The following PGD variants were observed in gnomAD, a reference collection of about 807,000 sequenced individuals.
PGD encodes phosphogluconate dehydrogenase, also known as 6-phosphogluconate dehydrogenase, decarboxylating.
A neutral mutation model predicts 60.4 loss-of-function variants in PGD; 21 were observed. That is an observed-to-expected ratio of 0.35 (90% confidence interval 0.25 to 0.50). The LOEUF is 0.50. Among genes scored for constraint, PGD ranks in the 20% least tolerant of loss-of-function variants. The probability of loss-of-function intolerance (pLI) is 0.98; values close to 1 mark genes in which losing one functional copy is unlikely to be tolerated. For synonymous variants in PGD, 230 were observed against 235.9 expected (o/e 0.97, Z 0.23); for missense variants, 477 against 613.1 (o/e 0.78, Z 2.34).
At chr1:10,414,580 T>G (rs1327266397) in intron 8 of PGD, among the ~76,000 whole-genome samples, 2 of 151,808 alleles carry the variant, frequency 1.3e-5, no homozygotes, top group Admixed American at 1.3e-4. Context: ...TTTTACCATA[T>G]TGGTCAGGCT....
chr1:10,417,405 C>T lies in PGD; in HGVS notation c.1005C>T (p.Tyr335=), dbSNP rs746924633. Residue 335 remains tyrosine, a synonymous_variant, in exon 10 of 13, where the codon TAC becomes TAT. Transcript: ENST00000270776. ...KALYASKIIS[Y]AQGFMLLRQA... is the part of the protein sequence containing the mutation. The stretch of plus-strand genomic sequence containing the variant: ...TCTACGCTTCCAAGATCATCTCTTA[C>T]GCTCAAGGCTTTATGCTGCTAAGGC... 7.4e-6 allele frequency: 12 copies of T among 1,613,016 alleles called. No homozygotes were observed. The highest frequency in any genetic ancestry group is 4.4e-5 in the South Asian group (4 of 90,924).
Position 10,418,806 on chromosome 1 carries a change from T to TC in PGD, c.1110-14dup, listed in dbSNP as rs1366606088. ...AAAAAAAAAAGACTCATTGCTTTTT[T>TC]CCCCCCTTGATTATTTCAGTGTATT... On this transcript the variant is annotated intron_variant, in intron 10 of 12. Transcript: ENST00000270776. 5.0e-6 allele frequency: 7 copies of TC among 1,405,648 alleles called. No individual in the cohort carries two copies. Among genetic ancestry groups the TC allele is most frequent in the East Asian group, 2.3e-5 (1 of 43,800 alleles). The allele number at this position is 1,405,648 out of a possible 1,614,324, so 87.1% of individuals were successfully genotyped here.
intron 6 of PGD, among the ~76,000 whole-genome samples, chr1:10,409,390 C>A (rs2102392088): frequency 6.6e-6 from 1 of 152,144 alleles, no homozygotes; most frequent in South Asian, 2.1e-4. Context: ...ACGTAAAGAG[C>A]TGAGTAATCT....
rs1357944193 is a variant in PGD, at chr1:10,404,250, G to A, written c.420G>A (p.Ser140=). Residue 140 remains serine, a synonymous_variant, in exon 5 of 13, where the codon TCG becomes TCA. Coordinates refer to ENST00000270776, the MANE Select transcript of PGD (RefSeq NM_002631.4). ...AGGAAGGGGCCCGGTATGGCCCATC[G>A]CTCATGCCAGGAGGGAACAAAGAAG... ...GGEEGARYGP[S]LMPGGNKEAW... is the part of the protein sequence containing the mutation. 3.7e-6 allele frequency: 6 copies of A among 1,612,606 alleles called. No homozygotes were observed. Among genetic ancestry groups the A allele is most frequent in the South Asian group, 2.2e-5 (2 of 91,016 alleles).
chr1:10,417,362 G>T lies in PGD; in HGVS notation c.976-14G>T. On this transcript the variant is annotated splice_polypyrimidine_tract_variant and intron_variant, in intron 9 of 12. Transcript: ENST00000270776. ...CTAATGGCAATCCTAGTAGGTCTCT[G>T]TGTCACTCTTTAGGCACTCTACGCT... The T allele has an allele frequency of 6.2e-7, 1 of 1,600,088 alleles. No homozygotes were observed. The highest frequency in any genetic ancestry group is 8.5e-7 in the Non-Finnish European group (1 of 1,172,580).
intron 5 of PGD, among the ~76,000 whole-genome samples, chr1:10,406,782 G>A (rs527902028): frequency 3.9e-5 from 6 of 152,250 alleles, no homozygotes; most frequent in Admixed American, 2.0e-4. Context: ...AATGAACAGC[G>A]GCCTTTCTCT....
intron 4 of PGD, among the ~76,000 whole-genome samples, chr1:10,403,932 A>G (rs370652374): frequency 1.3e-4 from 20 of 152,312 alleles, no homozygotes; most frequent in African/African-American, 4.1e-4. Context: ...GGTATCGTGA[A>G]TGTCCATAGT....
intron 8 of PGD, among the ~76,000 whole-genome samples, chr1:10,414,677 A>G (rs767384647): frequency 1.4e-4 from 22 of 151,880 alleles, no homozygotes; most frequent in Non-Finnish European, 1.6e-4. Context: ...ATGCCCAGCA[A>G]AGGTGGTTCT....
In PGD at chr1:10,419,404, G is replaced by A. The variant is rs373524591; in HGVS notation, c.1210-13G>A. 1.0e-4 allele frequency: 167 copies of A among 1,610,614 alleles called. No individual in the cohort carries two copies. In the African/African-American group the frequency reaches 1.8e-3, roughly 18 times the overall value. ...GCAGATCACTAATCTCTGGCCGTGC[G>A]TTTTGTGCTCAGGACTCCTGGCGGC... On this transcript the variant is annotated splice_polypyrimidine_tract_variant and intron_variant, in intron 11 of 12. Coordinates refer to ENST00000270776, the MANE Select transcript of PGD (RefSeq NM_002631.4).
chr1:10,417,254 C>A, intron 9 of PGD, 122 bp from the exon 10 acceptor site: 2 of 1,430,322 alleles, frequency 1.4e-6, no homozygotes, highest in Non-Finnish European at 1.9e-6. Context: ...TCTTGACTTA[C>A]AATGTTTTCC....
At chr1:10,411,271 A>G (rs372498574) in intron 6 of PGD, 147 bp from the exon 7 acceptor site, 2 of 755,256 alleles carry the variant, frequency 2.6e-6, no homozygotes, top group African/African-American at 1.8e-5. Flanking sequence ...TGATTCTTGT[A>G]TCAAAAATGC....
intron 5 of PGD, 91 bp downstream of exon 5, chr1:10,404,370 C>CT: frequency 1.5e-6 from 1 of 672,532 alleles, no homozygotes; most frequent in Non-Finnish European, 2.4e-6. Flanking sequence ...ACCCTGATCT[C>CT]TGTGGTGCCC....
At chr1:10,414,493 G>A (rs56692914) in intron 8 of PGD, among the ~76,000 whole-genome samples, 1 of 151,948 alleles carries the variant, frequency 6.6e-6, no homozygotes, top group African/African-American at 2.4e-5. Context: ...TCCTGCCTCA[G>A]CCTCCCGAGT....
intron 1 of PGD, 29 bp downstream of exon 1, chr1:10,399,154 T>C: frequency 6.2e-7 from 1 of 1,607,250 alleles, no homozygotes; most frequent in Non-Finnish European, 8.5e-7. Flanking sequence ...GCAGCCCGGC[T>C]CGGCCTCAGC....
chr1:10,407,948 CAAAAAA>C (rs71583867), intron 5 of PGD, 117 bp from the exon 6 acceptor site: 2 of 582,118 alleles, frequency 3.4e-6, no homozygotes, highest in Non-Finnish European at 3.0e-6. Context: ...GACCCTGTCT[CAAAAAA>C]AAAAAAAAAG....
chr1:10,406,997 T>C (rs1639419010), intron 5 of PGD, among the ~76,000 whole-genome samples: 1 of 152,248 alleles, frequency 6.6e-6, no homozygotes, highest in Admixed American at 6.5e-5. Flanking sequence ...TTTGCAATCA[T>C]ACTGTCTGCT....
rs149666113 is a variant in PGD at position 10,410,406 on chromosome 1, C to T, written c.520-1012C>T. Reference sequence around the variant, plus strand: ...GTGCTGAGCCAAGATCACACCGCTGCACTCCAGCCTGGGCGACAGAGCGAG... The same window carrying T: ...GTGCTGAGCCAAGATCACACCGCTGTACTCCAGCCTGGGCGACAGAGCGAG... On this transcript the variant is annotated intron_variant, in intron 6 of 12. Coordinates refer to ENST00000270776, the MANE Select transcript of PGD (RefSeq NM_002631.4). Among the ~76,000 whole-genome samples the T allele has an allele frequency of 3.3e-4, 50 of 151,782 alleles. No individual in the cohort carries two copies. The East Asian group carries it at 3.3e-3, about 10-fold the overall frequency.
At chr1:10,403,300 T>G (rs541558800) in intron 4 of PGD, among the ~76,000 whole-genome samples, 164 bp downstream of exon 4, 1 of 152,060 alleles carries the variant, frequency 6.6e-6, no homozygotes, top group Admixed American at 6.6e-5. Context: ...TAAGACACAC[T>G]TAACAGAAGG....
chr1:10,400,871 C>T (rs572269114), intron 3 of PGD, among the ~76,000 whole-genome samples: 2 of 152,216 alleles, frequency 1.3e-5, no homozygotes, highest in African/African-American at 2.4e-5. Flanking sequence ...TCAGATGGAT[C>T]GTTTGAGCCC....
Sources: gnomAD v4.1 joint callset for allele counts (sites outside exome capture counted in the v4.1 genomes callset) on GRCh38, gnomAD v4.1.1 for gene constraint, MANE v1.5 for transcripts, NCBI Gene and HGNC (gene_info 2026-07-23, HGNC 2026-07-21) for gene names.